KIAA0408: variants seen among roughly 807,000 people sequenced by gnomAD.
KIAA0408 encodes KIAA0408, also known as uncharacterized protein KIAA0408.
KIAA0408 carries 51 observed loss-of-function variants against 60.9 expected under a neutral mutation model. The observed-to-expected ratio is 0.84, with a 90% CI of 0.67 to 1.06. The LOEUF (loss-of-function observed/expected upper bound fraction) is 1.06, where lower values mean the gene tolerates loss of function less well. Among genes scored for constraint, KIAA0408 ranks in the 50% least tolerant of loss-of-function variants. KIAA0408 has a pLI of 0.00. For missense variants in KIAA0408, 787 were observed against 833.9 expected, an observed-to-expected ratio of 0.94 and a Z score of 0.69; for synonymous variants, 304 against 282.4, an observed-to-expected ratio of 1.08 and a Z score of -0.77.
At chr6:127,452,224 C>T (rs1773313946) in intron 2 of KIAA0408, among the ~76,000 whole-genome samples, 1 of 152,144 alleles carries the variant, frequency 6.6e-6, no homozygotes, top group Non-Finnish European at 1.5e-5. Flanking sequence ...TAATTTACAT[C>T]TGATTTAACA....
intron 5 of KIAA0408, among the ~76,000 whole-genome samples, chr6:127,444,825 C>G (rs1773162470): frequency 6.6e-6 from 1 of 151,856 alleles, no homozygotes; most frequent in South Asian, 2.1e-4. Context: ...CTTTTAAATA[C>G]ATCTTCATTC....
rs1420167335 is a variant in KIAA0408, at chr6:127,447,423, A to C, written c.896T>G (p.Val299Gly). The C allele has an allele frequency of 9.3e-6, 15 of 1,613,724 alleles. No individual in the cohort carries two copies. Among genetic ancestry groups the C allele is most frequent in the Non-Finnish European group, 1.3e-5 (15 of 1,179,910 alleles). The part of the protein sequence containing the change: ...WKERLDHNSW[V>G]PHEGRSKRNY... ...CCTTTTACTTCGACCCTCATGGGGC[A>C]CCCAGCTGTTGTGGTCTAACCTTTC... Residue 299 changes from valine (V) to glycine (G), a missense_variant, in exon 5 of 6, where the codon GTG becomes GGG. Transcript: ENST00000483725.
chr6:127,457,207 A>T (rs566224966), intron 1 of KIAA0408, among the ~76,000 whole-genome samples: 1 of 152,204 alleles, frequency 6.6e-6, no homozygotes, highest in South Asian at 2.1e-4. Context: ...TTTGTTATAA[A>T]TCTGACTTAA....
chr6:127,447,336 C>T lies in KIAA0408; in HGVS notation c.983G>A (p.Gly328Glu). Residue 328 changes from glycine to glutamate, a missense_variant, in exon 5 of 6, where the codon GGG (glycine) becomes GAG (glutamate). Coordinates refer to ENST00000483725, the MANE Select transcript of KIAA0408 (RefSeq NM_014702.5). ...GATGATACCATCTTTCGAAGTTTTCCCTTCATTTGGATACAACATAGACAT... is the reference window on the plus strand; with the variant it reads ...GATGATACCATCTTTCGAAGTTTTCTCTTCATTTGGATACAACATAGACAT... ...QEMSMLYPNE[G>E]KTSKDGIIFS... 6.2e-7 allele frequency: 1 copy of T among 1,613,102 alleles called. No individual in the cohort carries two copies. Among genetic ancestry groups the T allele is most frequent in the South Asian group, 1.1e-5 (1 of 90,882 alleles).
Position 127,447,235 on chromosome 6 carries a change from A to T in KIAA0408, c.1084T>A (p.Ser362Thr). 1 of 1,613,498 alleles carries T rather than the reference A, an allele frequency of 6.2e-7. No individual in the cohort carries two copies. The highest frequency in any genetic ancestry group is 1.7e-5 in the Admixed American group (1 of 59,908). The change falls in exon 5 of 6, where the codon TCA becomes ACA. Residue 362 changes from serine to threonine, a missense_variant. Ser to Thr is a moderately conservative substitution (Grantham distance 58). This residue lies in a region of KIAA0408 where 640 missense variants were observed against 681.3 expected (regional missense o/e 0.94). Transcript: ENST00000483725. ...SNEDVGLSMW[S>T]CDIGIGAKRS... ...TTTGCACCTATCCCAATGTCACATGACCACATGCTAAGTCCAACATCTTCA... is the reference window on the plus strand; with the variant it reads ...TTTGCACCTATCCCAATGTCACATGTCCACATGCTAAGTCCAACATCTTCA...
intron 2 of KIAA0408, chr6:127,451,144 A>C (rs1455122366): frequency 2.7e-6 from 1 of 369,816 alleles, no homozygotes; most frequent in African/African-American, 2.1e-5. Flanking sequence ...TGGGTCATGT[A>C]AAAGCTTGTC....
chr6:127,445,865 T>TAC (rs1773182849), intron 5 of KIAA0408, among the ~76,000 whole-genome samples: 1 of 152,114 alleles, frequency 6.6e-6, no homozygotes, highest in South Asian at 2.1e-4. Flanking sequence ...TATTTATATA[T>TAC]ACTATCTTTT....
rs2114783699 is a variant in KIAA0408, at chr6:127,441,835, C to T, written c.*2274G>A. On this transcript the variant is annotated 3_prime_UTR_variant, in exon 6 of 6. Transcript: ENST00000483725. Reference sequence around the variant, plus strand: ...TCAGTTTTACAATCAAGGAGTTGGACTAGATGCTATTTTTTTTTTCTCAGC... The same window carrying T: ...TCAGTTTTACAATCAAGGAGTTGGATTAGATGCTATTTTTTTTTTCTCAGC... 1 of 152,142 alleles carries T rather than the reference C, an allele frequency of 6.6e-6. No homozygotes were observed. Among genetic ancestry groups the T allele is most frequent in the South Asian group, 2.1e-4 (1 of 4,824 alleles). The allele number at this position is 152,142 out of a possible 1,614,324, so 9.4% of individuals were successfully genotyped here.
At position 127,443,277 on chromosome 6, in the gene KIAA0408, A is replaced by C. The variant is rs1292342258; in HGVS notation, c.*832T>G. On this transcript the variant is annotated 3_prime_UTR_variant, in exon 6 of 6. Transcript: ENST00000483725. The stretch of plus-strand genomic sequence containing the variant: ...AAATGTTTGTTGCTGAGGCTGACAA[A>C]ATAAATTCATCATTTAATCATGTCA... 6.6e-6 allele frequency: 1 copy of C among 152,118 alleles called. No individual in the cohort carries two copies. The highest frequency in any genetic ancestry group is 2.4e-5 in the African/African-American group (1 of 41,414). 9.4% of individuals were successfully genotyped at this position (152,118 alleles called of 1,614,324 possible).
chr6:127,450,531 G>T, intron 2 of KIAA0408, 179 bp from the exon 3 acceptor site: 1 of 1,034,404 alleles, frequency 9.7e-7, no homozygotes, highest in Non-Finnish European at 1.3e-6. Context: ...GAACAAGTTT[G>T]ATGAAACATA....
At chr6:127,454,393 A>AT (rs1431531217) in intron 1 of KIAA0408, among the ~76,000 whole-genome samples, 1 of 152,042 alleles carries the variant, frequency 6.6e-6, no homozygotes, top group East Asian at 1.9e-4. Context: ...CTAAAAATAG[A>AT]TTTTTTCATG....
At chr6:127,457,761 C>T (rs532317039) in intron 1 of KIAA0408, among the ~76,000 whole-genome samples, 1 of 152,254 alleles carries the variant, frequency 6.6e-6, no homozygotes, top group South Asian at 2.1e-4. Context: ...ATTATTTTCA[C>T]CCCCAAATTA....
chr6:127,450,190 C>G lies in KIAA0408; in HGVS notation c.298G>C (p.Gly100Arg), dbSNP rs377033629. 1.2e-6 allele frequency: 2 copies of G among 1,613,974 alleles called. No individual in the cohort carries two copies. The highest frequency in any genetic ancestry group is 1.7e-6 in the Non-Finnish European group (2 of 1,179,964). The change falls in exon 3 of 6, where the codon GGT becomes CGT. Residue 100 changes from glycine (G) to arginine (R), a missense_variant. By Grantham distance (125) the Gly-to-Arg change is moderately radical. Coordinates refer to ENST00000483725, the MANE Select transcript of KIAA0408 (RefSeq NM_014702.5). ...SEFIRTNHKD[G>R]LRKENKREQS... ...TCTCTTTTATTTTCTTTTCTCAGAC[C>G]ATCTTTGTGATTCGTCCTTATAAAT...
Position 127,450,218 on chromosome 6 carries a change from A to G in KIAA0408, c.270T>C (p.Ser90=). 1 of 1,613,800 alleles carries G rather than the reference A, an allele frequency of 6.2e-7. No homozygotes were observed. The highest frequency in any genetic ancestry group is 1.3e-5 in the African/African-American group (1 of 74,932). Reference sequence around the variant, plus strand: ...CTTTGTGATTCGTCCTTATAAATTCACTTTGTCCTAAATCGGGGTAATTTG... The same window carrying G: ...CTTTGTGATTCGTCCTTATAAATTCGCTTTGTCCTAAATCGGGGTAATTTG... ...SSPNYPDLGQ[S]EFIRTNHKDG... The change falls in exon 3 of 6, where the codon AGT becomes AGC. Residue 90 remains serine (S), a synonymous_variant. Coordinates refer to ENST00000483725, the MANE Select transcript of KIAA0408 (RefSeq NM_014702.5).
rs1773216301 is a variant in KIAA0408, at chr6:127,447,245, A to G, written c.1074T>C (p.Leu358=). The change falls in exon 5 of 6, where the codon CTT becomes CTC. Residue 358 remains leucine, a synonymous_variant. Transcript: ENST00000483725. Reference sequence around the variant, plus strand: ...TCCCAATGTCACATGACCACATGCTAAGTCCAACATCTTCATTACTTGGAG... The same window carrying G: ...TCCCAATGTCACATGACCACATGCTGAGTCCAACATCTTCATTACTTGGAG... ...SKPPSNEDVG[L]SMWSCDIGIG... is the part of the protein sequence containing the mutation. 1 of 1,613,800 alleles carries G rather than the reference A, an allele frequency of 6.2e-7. No homozygotes were observed. Among genetic ancestry groups the G allele is most frequent in the African/African-American group, 1.3e-5 (1 of 75,022 alleles).
Position 127,444,228 on chromosome 6 carries a change from G to A in KIAA0408, c.1966C>T (p.Pro656Ser), listed in dbSNP as rs755756617. Residue 656 changes from proline to serine, a missense_variant, in exon 6 of 6, where the codon CCA becomes TCA. Transcript: ENST00000483725. ...HGKGFSRPAR[P>S]ANRRLPSRWA... The stretch of plus-strand genomic sequence containing the variant: ...CTGGAGGGGAGACGACGATTTGCTG[G>A]TCTAGCAGGTCGGGAAAATCCTTTT... 6.2e-7 allele frequency: 1 copy of A among 1,612,034 alleles called. No homozygotes were observed. The highest frequency in any genetic ancestry group is 1.1e-5 in the South Asian group (1 of 90,748).
At chr6:127,456,743 C>T (rs1256886960) in intron 1 of KIAA0408, among the ~76,000 whole-genome samples, 3 of 151,328 alleles carry the variant, frequency 2.0e-5, no homozygotes, top group Admixed American at 1.3e-4. Context: ...TTAGATGTAA[C>T]GCAGCCAAAC....
intron 1 of KIAA0408, 40 bp from the exon 2 acceptor site, chr6:127,454,141 G>A: frequency 1.5e-6 from 2 of 1,292,790 alleles, no homozygotes; most frequent in Non-Finnish European, 2.0e-6. Flanking sequence ...AAATCCATGT[G>A]CTTTCTGGAA....
chr6:127,453,842 T>C lies in KIAA0408; in HGVS notation c.135+5A>G. 1 of 1,610,962 alleles carries C rather than the reference T, an allele frequency of 6.2e-7. No individual in the cohort carries two copies. Among genetic ancestry groups the C allele is most frequent in the Non-Finnish European group, 8.5e-7 (1 of 1,178,334 alleles). Reference sequence around the variant, plus strand: ...ACAGTATATCCAAAACAAATTAAAGTGTACCTCTTCTATTTTCTTCTGCAT... The same window carrying C: ...ACAGTATATCCAAAACAAATTAAAGCGTACCTCTTCTATTTTCTTCTGCAT... On this transcript the variant is annotated splice_donor_5th_base_variant and intron_variant, in intron 2 of 5. Coordinates refer to ENST00000483725, the MANE Select transcript of KIAA0408 (RefSeq NM_014702.5).
Sources: allele counts gnomAD v4.1 joint callset (sites outside exome capture counted in the v4.1 genomes callset), GRCh38; gene constraint gnomAD v4.1.1; regional missense constraint gnomAD v4.1.1; transcripts MANE v1.5; gene names NCBI Gene and HGNC (gene_info 2026-07-23, HGNC 2026-07-21).